The following FHIT variants were observed in gnomAD, a reference collection of about 807,000 sequenced individuals.
FHIT encodes the protein bis(5'-adenosyl)-triphosphatase.
Under a neutral mutation model 17.9 loss-of-function variants are expected in FHIT, and 19 were observed. The ratio of observed to expected loss-of-function variants is 1.06; its 90% CI spans 0.74 to 1.56. The LOEUF (loss-of-function observed/expected upper bound fraction) is 1.56. Among genes scored for constraint, FHIT ranks in the 40% most tolerant of loss-of-function variants. The pLI, the probability that FHIT is intolerant of heterozygous loss-of-function variation, is 0.00. For missense variants in FHIT, 248 were observed against 189.2 expected (o/e 1.31, Z -1.82); for synonymous variants, 81 against 69.7 (o/e 1.16, Z -0.81).
At chr3:59,785,249 T>C (rs1370988000) in intron 8 of FHIT, among the ~76,000 whole-genome samples, 1 of 152,092 alleles carries the variant, frequency 6.6e-6, no homozygotes, top group Non-Finnish European at 1.5e-5. Context: ...TATCACCTAT[T>C]TATGGCATAT....
intron 2 of FHIT, among the ~76,000 whole-genome samples, chr3:61,174,932 C>A (rs2038113044): frequency 6.6e-6 from 1 of 152,128 alleles, no homozygotes; most frequent in Non-Finnish European, 1.5e-5. Flanking sequence ...GGGTTCCAGT[C>A]ATGGTGAATG....
intron 5 of FHIT, among the ~76,000 whole-genome samples, chr3:60,416,746 C>T (rs1702260370): frequency 6.6e-6 from 1 of 152,082 alleles, no homozygotes; most frequent in South Asian, 2.1e-4. Context: ...GATACCTACT[C>T]ATGTGCACAA....
intron 5 of FHIT, among the ~76,000 whole-genome samples, chr3:60,173,704 C>A (rs545458843): frequency 6.6e-6 from 1 of 151,366 alleles, no homozygotes; most frequent in Admixed American, 6.6e-5. Context: ...ACGCTGTCTG[C>A]TCAACTGGTC....
At chr3:60,712,249 G>C (rs1403660225) in intron 4 of FHIT, among the ~76,000 whole-genome samples, 1 of 152,124 alleles carries the variant, frequency 6.6e-6, no homozygotes, top group Admixed American at 6.5e-5. Context: ...TCACCACCAG[G>C]CTGCCCTAAA....
chr3:60,507,906 C>T (rs930445904), intron 5 of FHIT, among the ~76,000 whole-genome samples: 2 of 152,174 alleles, frequency 1.3e-5, no homozygotes, highest in African/African-American at 4.8e-5. Context: ...ACAACATTTT[C>T]TTTATCCAGT....
At chr3:59,935,109 G>T (rs186502401) in intron 7 of FHIT, among the ~76,000 whole-genome samples, 1 of 152,156 alleles carries the variant, frequency 6.6e-6, no homozygotes, top group Non-Finnish European at 1.5e-5. Flanking sequence ...TTCCTGTTCA[G>T]TTAGACATGC....
chr3:61,168,538 C>G (rs1383172986), intron 2 of FHIT, among the ~76,000 whole-genome samples: 3 of 152,196 alleles, frequency 2.0e-5, no homozygotes, highest in African/African-American at 7.2e-5. Flanking sequence ...CCAAGTCAAC[C>G]TTGTGACAGG....
At chr3:60,128,338 G>A (rs967152661) in intron 5 of FHIT, among the ~76,000 whole-genome samples, 69 of 152,162 alleles carry the variant, frequency 4.5e-4, no homozygotes, top group African/African-American at 1.6e-3. Context: ...ATGTTTTAAG[G>A]GACTTGACCT....
intron 3 of FHIT, among the ~76,000 whole-genome samples, chr3:60,903,544 T>A (rs1706231618): frequency 6.6e-6 from 1 of 152,194 alleles, no homozygotes; most frequent in Admixed American, 6.5e-5. Flanking sequence ...AAAATTCAGT[T>A]ATAAAAACCA....
intron 7 of FHIT, among the ~76,000 whole-genome samples, chr3:59,980,997 T>A (rs1043558915): frequency 3.9e-5 from 6 of 152,172 alleles, no homozygotes; most frequent in African/African-American, 1.2e-4. Context: ...TTTGTAGTTA[T>A]GTTACCCAAA....
intron 1 of FHIT, among the ~76,000 whole-genome samples, chr3:61,215,582 T>C (rs1345958365): frequency 2.6e-5 from 4 of 152,132 alleles, no homozygotes; most frequent in East Asian, 1.9e-4. Context: ...AGGTAATTTA[T>C]AGATTCAATG....
chr3:60,792,721 C>A (rs896666708), intron 4 of FHIT, among the ~76,000 whole-genome samples: 4 of 152,154 alleles, frequency 2.6e-5, no homozygotes, highest in Non-Finnish European at 5.9e-5. Context: ...ATTCATTTGC[C>A]CACTGAGGCC....
chr3:60,809,519 T>C (rs1272737625), intron 4 of FHIT, among the ~76,000 whole-genome samples: 1 of 152,162 alleles, frequency 6.6e-6, no homozygotes. Context: ...TGCCCTCAAT[T>C]TACTGTGATT....
intron 8 of FHIT, among the ~76,000 whole-genome samples, chr3:59,826,272 C>G (rs1203794479): frequency 6.6e-6 from 1 of 152,162 alleles, no homozygotes; most frequent in Non-Finnish European, 1.5e-5. Context: ...TGCGCACCAC[C>G]ACGCCCAGCT....
Position 60,748,868 on chromosome 3 carries a change from G to T in FHIT, c.-18+73051C>A, listed in dbSNP as rs1035387808. ...ACTTATAACACCTAATACAATCTAAGTGCTACATAATTATTACATTGTATT... is the reference window on the plus strand; with the variant it reads ...ACTTATAACACCTAATACAATCTAATTGCTACATAATTATTACATTGTATT... On this transcript the variant is annotated intron_variant, in intron 4 of 9. Coordinates refer to ENST00000492590, the MANE Select transcript of FHIT (RefSeq NM_002012.4). Among the ~76,000 whole-genome samples, 14 of 152,268 alleles carry T rather than the reference G, an allele frequency of 9.2e-5. No individual in the cohort carries two copies. In the South Asian group the frequency reaches 1.9e-3, roughly 20 times the overall value.
At chr3:60,776,042 T>G (rs1478079491) in intron 4 of FHIT, among the ~76,000 whole-genome samples, 1 of 152,208 alleles carries the variant, frequency 6.6e-6, no homozygotes, top group African/African-American at 2.4e-5. Context: ...TTTTTTCTTT[T>G]AGAAGATGTT....
chr3:60,592,050 T>A (rs1042036396), intron 4 of FHIT, among the ~76,000 whole-genome samples: 9 of 151,886 alleles, frequency 5.9e-5, no homozygotes, highest in Middle Eastern at 3.4e-3. Flanking sequence ...AACTACCCTT[T>A]AATGAAAAGC....
chr3:60,434,715 T>C (rs2030055989), intron 5 of FHIT, among the ~76,000 whole-genome samples: 1 of 152,142 alleles, frequency 6.6e-6, no homozygotes, highest in Non-Finnish European at 1.5e-5. Flanking sequence ...ACCAAAGAGA[T>C]ATCAGAATAA....
chr3:59,935,136 T>C (rs570608883), intron 7 of FHIT, among the ~76,000 whole-genome samples: 1 of 152,234 alleles, frequency 6.6e-6, no homozygotes, highest in Admixed American at 6.5e-5. Context: ...TCAGAGGTTC[T>C]TGTAAAATTG....
Sources: gnomAD v4.1 joint callset for allele counts (sites outside exome capture counted in the v4.1 genomes callset) on GRCh38, gnomAD v4.1.1 for gene constraint, MANE v1.5 for transcripts, NCBI Gene and HGNC (gene_info 2026-07-23, HGNC 2026-07-21) for gene names.